The following RBFOX1 variants were observed in gnomAD, a reference collection of about 807,000 sequenced individuals.
The protein encoded by RBFOX1 is RNA binding fox-1 homolog 1, also known as RNA binding protein fox-1 homolog 1.
A neutral mutation model predicts 57.7 loss-of-function variants in RBFOX1; 8 were observed. The ratio of observed to expected loss-of-function variants is 0.14; its 90% confidence interval spans 0.08 to 0.25. The LOEUF is 0.25. Ranked by LOEUF, RBFOX1 falls within the 10% of genes least tolerant of loss-of-function variation. The pLI, the probability that RBFOX1 is intolerant of heterozygous loss-of-function variation, is 1.00. For synonymous variants in RBFOX1, 326 were observed against 222.4 expected (o/e 1.47, Z -4.15); for missense variants, 611 against 548.5 (o/e 1.11, Z -1.14).
chr16:5,396,040 A>G (rs1173898995), intron 1 of RBFOX1, among the ~76,000 whole-genome samples: 1 of 152,186 alleles, frequency 6.6e-6, no homozygotes, highest in African/African-American at 2.4e-5. Context: ...AGAGAACCCA[A>G]CTAAGCCATG....
intron 4 of RBFOX1, among the ~76,000 whole-genome samples, chr16:7,404,244 G>A (rs1283394848): frequency 6.6e-6 from 1 of 151,826 alleles, no homozygotes; most frequent in African/African-American, 2.4e-5. Flanking sequence ...GTACAGACGG[G>A]GTTTCACCAT....
chr16:7,291,931 T>A (rs949800895), intron 4 of RBFOX1, among the ~76,000 whole-genome samples: 94 of 141,914 alleles, frequency 6.6e-4, no homozygotes, highest in Non-Finnish European at 1.3e-3. Flanking sequence ...ATAATGTATT[T>A]TATATATTAT....
chr16:6,754,547 C>T (rs758582721), intron 3 of RBFOX1, among the ~76,000 whole-genome samples: 4 of 152,130 alleles, frequency 2.6e-5, no homozygotes, highest in Non-Finnish European at 5.9e-5. Flanking sequence ...GCACTAATTC[C>T]CACATAGAAT....
At chr16:7,355,995 A>C (rs1165281595) in intron 4 of RBFOX1, among the ~76,000 whole-genome samples, 1 of 152,220 alleles carries the variant, frequency 6.6e-6, no homozygotes, top group Non-Finnish European at 1.5e-5. Context: ...AATACGGCCC[A>C]TGCACTGTGC....
At chr16:7,302,232 G>A (rs1051354570) in intron 4 of RBFOX1, among the ~76,000 whole-genome samples, 2 of 152,146 alleles carry the variant, frequency 1.3e-5, no homozygotes, top group Non-Finnish European at 2.9e-5. Context: ...AAGAAACAGC[G>A]GGTTGGGGCC....
At chr16:5,380,250 C>T (rs1015255752) in intron 1 of RBFOX1, among the ~76,000 whole-genome samples, 13 of 152,226 alleles carry the variant, frequency 8.5e-5, no homozygotes, top group East Asian at 5.8e-4. Context: ...CATGTACGGT[C>T]GACTTTCAGT....
chr16:6,677,933 A>G (rs969615340), intron 3 of RBFOX1, among the ~76,000 whole-genome samples: 9 of 152,250 alleles, frequency 5.9e-5, no homozygotes, highest in South Asian at 2.1e-4. Flanking sequence ...GTAAGGAACC[A>G]TAAAGAACAT....
In RBFOX1 at chr16:6,762,726, G is replaced by C. The variant is rs540844755; in HGVS notation, c.-16+108076G>C. Among the ~76,000 whole-genome samples the C allele has an allele frequency of 6.6e-5, 10 of 152,214 alleles. No homozygotes were observed. In the East Asian group the frequency reaches 1.9e-3, roughly 29 times the overall value. On this transcript the variant is annotated intron_variant, in intron 3 of 15. Transcript: ENST00000550418. ...GCTAAAGAATAGGTTGAGTTCTAGAGATAGAAAAATAGTAAGGTAAAGAGC... is the reference window on the plus strand; with the variant it reads ...GCTAAAGAATAGGTTGAGTTCTAGACATAGAAAAATAGTAAGGTAAAGAGC...
At chr16:5,459,726 T>G (rs190308701) in intron 1 of RBFOX1, among the ~76,000 whole-genome samples, 2 of 152,020 alleles carry the variant, frequency 1.3e-5, no homozygotes, top group Admixed American at 1.3e-4. Flanking sequence ...CATACACACA[T>G]GCACGCACAC....
At chr16:6,182,541 A>G (rs2097072001) in intron 1 of RBFOX1, among the ~76,000 whole-genome samples, 1 of 152,144 alleles carries the variant, frequency 6.6e-6, no homozygotes, top group African/African-American at 2.4e-5. Context: ...TACTATTTTT[A>G]TTGCCACATA....
At chr16:6,350,000 G>A (rs2086020989) in intron 2 of RBFOX1, among the ~76,000 whole-genome samples, 1 of 152,084 alleles carries the variant, frequency 6.6e-6, no homozygotes, top group South Asian at 2.1e-4. Flanking sequence ...ATGTAGAAAA[G>A]AGACTTTTAC....
intron 1 of RBFOX1, among the ~76,000 whole-genome samples, chr16:6,256,159 G>GTA (rs1245956056): frequency 1.9e-4 from 6 of 31,464 alleles, no homozygotes; most frequent in Admixed American, 4.7e-4. Flanking sequence ...ATATATATAT[G>GTA]TATATATATA....
chr16:5,659,585 G>A (rs1596630592), intron 3 of RBFOX1, among the ~76,000 whole-genome samples: 1 of 152,290 alleles, frequency 6.6e-6, no homozygotes, highest in Non-Finnish European at 1.5e-5. Context: ...TTACAGGTAT[G>A]AGCCACACCG....
chr16:7,382,797 C>A (rs2097801461), intron 4 of RBFOX1, among the ~76,000 whole-genome samples: 1 of 152,164 alleles, frequency 6.6e-6, no homozygotes, highest in Admixed American at 6.5e-5. Flanking sequence ...CATGGAGAAG[C>A]CAAGAGGAAT....
At chr16:6,252,867 C>G (rs983711522) in intron 1 of RBFOX1, among the ~76,000 whole-genome samples, 3 of 152,036 alleles carry the variant, frequency 2.0e-5, no homozygotes, top group Admixed American at 1.3e-4. Context: ...CGTGTAGGCA[C>G]AGCCCATCTA....
chr16:5,451,562 G>C (rs1289680908), intron 1 of RBFOX1, among the ~76,000 whole-genome samples: 3 of 152,196 alleles, frequency 2.0e-5, no homozygotes, highest in African/African-American at 7.2e-5. Flanking sequence ...TTGTCGGGAA[G>C]GTGCTTCTTG....
intron 4 of RBFOX1, among the ~76,000 whole-genome samples, chr16:5,908,089 C>CATATATACACATAT (rs1229478723): frequency 1.4e-5 from 2 of 138,134 alleles, no homozygotes; most frequent in Admixed American, 7.1e-5. Flanking sequence ...TATATATACA[C>CATATATACACATAT]ATATATACAC....
intron 3 of RBFOX1, among the ~76,000 whole-genome samples, chr16:6,911,872 A>G (rs1260177718): frequency 3.9e-5 from 6 of 152,226 alleles, no homozygotes; most frequent in African/African-American, 9.6e-5. Context: ...GACGTTAACT[A>G]TATCATAGTA....
chr16:7,302,623 G>T (rs2096060915), intron 4 of RBFOX1, among the ~76,000 whole-genome samples: 1 of 150,126 alleles, frequency 6.7e-6, no homozygotes, highest in African/African-American at 2.5e-5. Flanking sequence ...CTGATCTCTT[G>T]GTCTGAAAAC....
Sources: gnomAD v4.1 joint callset for allele counts (sites outside exome capture counted in the v4.1 genomes callset) on GRCh38, gnomAD v4.1.1 for gene constraint, MANE v1.5 for transcripts, NCBI Gene and HGNC (gene_info 2026-07-23, HGNC 2026-07-21) for gene names.